IQCJ: variants seen among roughly 807,000 people sequenced by gnomAD.
IQCJ encodes the protein IQ domain-containing protein J.
Under a neutral mutation model 11.0 loss-of-function variants are expected in IQCJ, and 9 were observed. That is an observed-to-expected ratio of 0.82 (90% confidence interval 0.49 to 1.43). The LOEUF (loss-of-function observed/expected upper bound fraction) is 1.43, where lower values mean the gene tolerates loss of function less well. IQCJ is among the 40% of genes most tolerant of loss of function. The pLI is 0.00. For synonymous variants in IQCJ, 55 were observed against 51.3 expected (o/e 1.07, Z -0.31); for missense variants, 146 against 133.2 (o/e 1.10, Z -0.47).
chr3:159,078,332 T>C lies in IQCJ; in HGVS notation c.9+8891T>C, dbSNP rs137931466. Among the ~76,000 whole-genome samples, 35 of 152,244 alleles carry C rather than the reference T, an allele frequency of 2.3e-4. No homozygotes were observed. In the East Asian group the frequency reaches 6.4e-3, roughly 28 times the overall value. On this transcript the variant is annotated intron_variant, in intron 1 of 3. Coordinates refer to ENST00000397832, the MANE Select transcript of IQCJ (RefSeq NM_001042706.3). ...TTGGGTTTTGAGGGTGGAAGTAATTTGCATGAGGAGTAATCAAGGTTCCTT... is the reference window on the plus strand; with the variant it reads ...TTGGGTTTTGAGGGTGGAAGTAATTCGCATGAGGAGTAATCAAGGTTCCTT...
chr3:159,113,472 G>A (rs565510196), intron 1 of IQCJ, among the ~76,000 whole-genome samples: 14 of 152,312 alleles, frequency 9.2e-5, no homozygotes, highest in African/African-American at 2.6e-4. Context: ...TTGTGACAGC[G>A]TCTGTCACAG....
chr3:159,113,126 A>G (rs770171811), intron 1 of IQCJ, among the ~76,000 whole-genome samples: 8 of 152,236 alleles, frequency 5.3e-5, no homozygotes, highest in Non-Finnish European at 8.8e-5. Context: ...AAACCATGCC[A>G]TGAAGAAAAA....
intron 1 of IQCJ, among the ~76,000 whole-genome samples, chr3:159,115,428 A>G (rs1404865250): frequency 6.6e-6 from 1 of 152,186 alleles, no homozygotes; most frequent in Non-Finnish European, 1.5e-5. Context: ...GGGAGCCTCA[A>G]CTAACTTCAG....
chr3:159,196,418 T>C (rs1029243000), intron 1 of IQCJ, among the ~76,000 whole-genome samples: 1 of 152,322 alleles, frequency 6.6e-6, no homozygotes. Flanking sequence ...TAGAATTGCC[T>C]GGGTACCTTT....
intron 1 of IQCJ, among the ~76,000 whole-genome samples, chr3:159,225,765 C>G (rs944475257): frequency 6.6e-6 from 1 of 151,846 alleles, no homozygotes; most frequent in African/African-American, 2.4e-5. Flanking sequence ...TGCTGTGTAC[C>G]TAGTGTTAGC....
At chr3:159,084,538 CTTA>C (rs1716572792) in intron 1 of IQCJ, among the ~76,000 whole-genome samples, 1 of 152,076 alleles carries the variant, frequency 6.6e-6, no homozygotes, top group East Asian at 1.9e-4. Context: ...AGACATGTTC[CTTA>C]TTCACTCTTC....
intron 1 of IQCJ, among the ~76,000 whole-genome samples, chr3:159,225,315 G>T (rs976695223): frequency 2.6e-5 from 4 of 151,962 alleles, no homozygotes; most frequent in Admixed American, 2.6e-4. Flanking sequence ...AAATTCACTC[G>T]AATATTCTTA....
At chr3:159,170,519 C>A (rs1722430447) in intron 1 of IQCJ, among the ~76,000 whole-genome samples, 1 of 152,188 alleles carries the variant, frequency 6.6e-6, no homozygotes, top group African/African-American at 2.4e-5. Flanking sequence ...AGCCAACAGG[C>A]CCTTAATGAA....
intron 1 of IQCJ, among the ~76,000 whole-genome samples, chr3:159,080,102 G>A (rs982674709): frequency 6.6e-6 from 1 of 151,948 alleles, no homozygotes; most frequent in African/African-American, 2.4e-5. Flanking sequence ...ATTTCTTGCT[G>A]ACACCAACTC....
At chr3:159,254,486 A>G (rs569319132) in intron 3 of IQCJ, among the ~76,000 whole-genome samples, 5 of 152,286 alleles carry the variant, frequency 3.3e-5, no homozygotes, top group African/African-American at 1.2e-4. Context: ...TGCTCACTGG[A>G]GAGAAAGGAA....
chr3:159,156,216 A>G (rs1450832892), intron 1 of IQCJ, among the ~76,000 whole-genome samples: 1 of 152,214 alleles, frequency 6.6e-6, no homozygotes, highest in East Asian at 1.9e-4. Context: ...ATCTAAGACA[A>G]AACTAGATCC....
chr3:159,112,380 T>G (rs189333537), intron 1 of IQCJ, among the ~76,000 whole-genome samples: 46 of 152,334 alleles, frequency 3.0e-4, no homozygotes, highest in Admixed American at 2.5e-3. Context: ...TTTGAGTACA[T>G]TCAATCAGTT....
intron 1 of IQCJ, among the ~76,000 whole-genome samples, chr3:159,228,809 A>G (rs1349352427): frequency 6.6e-6 from 1 of 151,978 alleles, no homozygotes; most frequent in African/African-American, 2.4e-5. Flanking sequence ...TCTCAAAAAA[A>G]AAAAAAAGTG....
intron 1 of IQCJ, among the ~76,000 whole-genome samples, chr3:159,162,754 C>A (rs979979523): frequency 2.0e-5 from 3 of 152,122 alleles, no homozygotes; most frequent in African/African-American, 4.8e-5. Context: ...ACCACCGATC[C>A]TACAGAAATA....
chr3:159,162,023 T>C (rs1275294171), intron 1 of IQCJ, among the ~76,000 whole-genome samples: 1 of 152,244 alleles, frequency 6.6e-6, no homozygotes, highest in Non-Finnish European at 1.5e-5. Flanking sequence ...GGCTCTTTTT[T>C]GGTGCCATAT....
At chr3:159,156,399 G>C (rs1410312199) in intron 1 of IQCJ, among the ~76,000 whole-genome samples, 3 of 152,222 alleles carry the variant, frequency 2.0e-5, no homozygotes, top group Non-Finnish European at 2.9e-5. Context: ...CTGAGGAGTA[G>C]AGGGGAGGCA....
At chr3:159,243,382 T>C (rs1234638245) in intron 1 of IQCJ, among the ~76,000 whole-genome samples, 1 of 152,136 alleles carries the variant, frequency 6.6e-6, no homozygotes, top group African/African-American at 2.4e-5. Flanking sequence ...AGAATGCCCA[T>C]TAACAGGAGA....
chr3:159,180,304 G>GTCTCTC (rs200690205), intron 1 of IQCJ, among the ~76,000 whole-genome samples: 4 of 151,918 alleles, frequency 2.6e-5, no homozygotes, highest in African/African-American at 9.7e-5. Context: ...CTCTCTTTCT[G>GTCTCTC]TCTCTCTCTG....
intron 1 of IQCJ, among the ~76,000 whole-genome samples, chr3:159,154,445 T>A (rs1041117861): frequency 1.3e-5 from 2 of 152,210 alleles, no homozygotes; most frequent in African/African-American, 4.8e-5. Flanking sequence ...TTTTTAAGAT[T>A]CTTAATTGTA....
Sources: allele counts gnomAD v4.1 joint callset (sites outside exome capture counted in the v4.1 genomes callset), GRCh38; gene constraint gnomAD v4.1.1; transcripts MANE v1.5; gene names NCBI Gene and HGNC (gene_info 2026-07-23, HGNC 2026-07-21).